The following SIAE variants were observed in gnomAD, a reference collection of about 807,000 sequenced individuals.
SIAE encodes sialate O-acetylesterase.
Under a neutral mutation model 52.6 loss-of-function variants are expected in SIAE, and 39 were observed. The ratio of observed to expected loss-of-function variants is 0.74; its 90% CI spans 0.57 to 0.97. SIAE has a LOEUF of 0.97. SIAE is among the 50% of genes least tolerant of loss of function. The probability of loss-of-function intolerance (pLI) is 0.00; values close to 1 mark genes in which losing one functional copy is unlikely to be tolerated. For synonymous variants in SIAE, 233 were observed against 241.4 expected (o/e 0.97, Z 0.32); for missense variants, 592 against 662.1 (o/e 0.89, Z 1.16).
At chr11:124,639,134 T>A (rs560260917) in intron 8 of SIAE, among the ~76,000 whole-genome samples, 1 of 152,220 alleles carries the variant, frequency 6.6e-6, no homozygotes, top group African/African-American at 2.4e-5. Flanking sequence ...TATTCATTTA[T>A]TCAATAAATC....
chr11:124,673,838 C>T (rs1435281475), upstream of SIAE: 11 of 920,024 alleles, frequency 1.2e-5, no homozygotes, highest in Non-Finnish European at 1.8e-5. Flanking sequence ...CAGGACTGGG[C>T]TGTACTCGCC....
intron 9 of SIAE, 101 bp from the exon 10 acceptor site, chr11:124,637,303 A>C (rs1463112308): frequency 3.9e-6 from 6 of 1,536,616 alleles, no homozygotes; most frequent in Non-Finnish European, 5.4e-6. Flanking sequence ...GAAAGGAGAC[A>C]CTCTTCACCA....
rs775273473 is a variant in SIAE at position 124,645,972 on chromosome 11, G to A, written c.966+1393C>T. ...GATGGTGAGAAGTCATCTGTGGGGC[G>A]TGCGGAGGTGGTGTCTGGGACCATG... On this transcript the variant is annotated intron_variant, in intron 7 of 9. Coordinates refer to ENST00000263593, the MANE Select transcript of SIAE (RefSeq NM_170601.5). The surrounding 1 kb of genome is among the most constrained non-coding windows in gnomAD (Gnocchi z 4.7). 1.6e-4 allele frequency among the ~76,000 whole-genome samples: 25 copies of A among 152,178 alleles called. No homozygotes were observed. The highest frequency in any genetic ancestry group is 1.0e-4 in the Non-Finnish European group (7 of 68,014).
intron 3 of SIAE, 69 bp from the exon 4 acceptor site, chr11:124,654,862 A>ATCAG: frequency 6.3e-7 from 1 of 1,582,240 alleles, no homozygotes. Context: ...CTTAGTAAAC[A>ATCAG]TCAGTCCTCT....
rs1350033478 is a variant in SIAE, at chr11:124,647,487, T to C, written c.844A>G (p.Ile282Val). The C allele has an allele frequency of 1.9e-6, 3 of 1,614,040 alleles. No individual in the cohort carries two copies. The African/African-American group carries it at 4.0e-5, about 22-fold the overall frequency. Residue 282 changes from isoleucine (I) to valine (V), a missense_variant, in exon 7 of 10, where the codon ATA becomes GTA. Transcript: ENST00000263593. Reference protein sequence around the residue: ...GVVWYQGESNINYNTDLYNCT... With the variant: ...GVVWYQGESNVNYNTDLYNCT... The stretch of plus-strand genomic sequence containing the variant: ...TTGTACAGATCCGTGTTATAATTTA[T>C]ATTGGACTCCCCTAAAAACAGTCCA...
In SIAE at chr11:124,636,851, TATTA is replaced by T; in HGVS notation, c.*96_*99del. On this transcript the variant is annotated 3_prime_UTR_variant, in exon 10 of 10. Transcript: ENST00000263593. ...CTGAAAGCCATTCAATGAGGCTTTC[TATTA>T]ATTTCCTTTAAAAGCAATGGTTATT... 1 of 1,545,136 alleles carries T rather than the reference TATTA, an allele frequency of 6.5e-7. No individual in the cohort carries two copies. Among genetic ancestry groups the T allele is most frequent in the South Asian group, 1.1e-5 (1 of 88,852 alleles).
At chr11:124,653,443 G>T (rs1240312448) in intron 4 of SIAE, among the ~76,000 whole-genome samples, 1 of 152,162 alleles carries the variant, frequency 6.6e-6, no homozygotes, top group Non-Finnish European at 1.5e-5. Context: ...CAAAGAAAAA[G>T]GGACAGAGAA....
Position 124,638,554 on chromosome 11 carries a change from G to C in SIAE, c.1308C>G (p.Asn436Lys), listed in dbSNP as rs758100977. Residue 436 changes from asparagine (N) to lysine (K), a missense_variant, in exon 9 of 10, where the codon AAC (asparagine) becomes AAG (lysine). By Grantham distance (94) the Asn-to-Lys change is moderately conservative. Transcript: ENST00000263593. ...CTGTTCTTCTCACCTCAAATATCTT[G>C]TTGTCCTTTTTCTGCACCTGGATTT... is the stretch of plus-strand genomic sequence containing the variant. ...YQQIQVQKKD[N>K]KIFEISCCSD... 4 of 1,614,022 alleles carry C rather than the reference G, an allele frequency of 2.5e-6. No homozygotes were observed. The highest frequency in any genetic ancestry group is 1.3e-5 in the African/African-American group (1 of 75,014).
At chr11:124,664,882 C>A (rs1943252116) in intron 2 of SIAE, among the ~76,000 whole-genome samples, 2 of 143,302 alleles carry the variant, frequency 1.4e-5, no homozygotes, top group Admixed American at 7.0e-5. Flanking sequence ...CACTTCCCCC[C>A]CACCCCCACC....
chr11:124,654,541 TA>T (rs1300902631), intron 4 of SIAE, 113 bp downstream of exon 4: 1 of 1,603,368 alleles, frequency 6.2e-7, no homozygotes, highest in African/African-American at 1.3e-5. Context: ...AAGAAAGGAA[TA>T]AAAGGCATGA....
At chr11:124,675,421 A>G (rs777747204), upstream of SIAE, 4 of 1,600,792 alleles carry the variant, frequency 2.5e-6, no homozygotes, top group Non-Finnish European at 3.4e-6. Flanking sequence ...AAGAGAGAGT[A>G]AGCTTTCTAA....
At chr11:124,675,389 A>G (rs1204828401), upstream of SIAE, 18 of 1,613,872 alleles carry the variant, frequency 1.1e-5, no homozygotes, top group Non-Finnish European at 1.5e-5. Context: ...GCAGCAGCCT[A>G]TTTTGAGAGC....
intron 2 of SIAE, among the ~76,000 whole-genome samples, chr11:124,662,979 T>C (rs1342111638): frequency 6.6e-6 from 1 of 151,918 alleles, no homozygotes; most frequent in Non-Finnish European, 1.5e-5. Flanking sequence ...ACCCTGTCTC[T>C]ACTAAAAATA....
chr11:124,654,836 A>G (rs1943073067), intron 3 of SIAE, 43 bp from the exon 4 acceptor site: 1 of 1,611,162 alleles, frequency 6.2e-7, no homozygotes, highest in Admixed American at 1.7e-5. Context: ...GCAGGTGGTG[A>G]ACTAGCCTGA....
rs771162942 is a variant in SIAE, at chr11:124,649,652, C to A, written c.689G>T (p.Arg230Leu). 1.9e-6 allele frequency: 3 copies of A among 1,614,160 alleles called. No homozygotes were observed. Among genetic ancestry groups the A allele is most frequent in the Non-Finnish European group, 2.5e-6 (3 of 1,180,026 alleles). The change falls in exon 5 of 10, where the codon CGG (arginine) becomes CTG (leucine). Residue 230 changes from arginine to leucine, a missense_variant. Coordinates refer to ENST00000263593, the MANE Select transcript of SIAE (RefSeq NM_170601.5). ...GTPIEAWSSGRSLKACGVPKQ... is the reference protein window; with the variant it reads ...GTPIEAWSSGLSLKACGVPKQ... ...AGGGACCCCACAGGCTTTCAGTGAC[C>A]GTCCAGATGACCAGGCTTCAATGGG...
At chr11:124,666,301 T>G (rs1007775205) in intron 2 of SIAE, among the ~76,000 whole-genome samples, 1 of 151,692 alleles carries the variant, frequency 6.6e-6, no homozygotes, top group Non-Finnish European at 1.5e-5. Context: ...AATCTCAGAG[T>G]CCTCATTAAA....
At chr11:124,647,591 T>A in intron 6 of SIAE, 93 bp from the exon 7 acceptor site, 9 of 1,477,670 alleles carry the variant, frequency 6.1e-6, no homozygotes, top group Non-Finnish European at 8.4e-6. Context: ...CCTGAGGTAG[T>A]GGTCTTCCCA....
chr11:124,634,129 G>A lies in SIAE; in HGVS notation c.*2822C>T, dbSNP rs1942668874. 1 of 152,142 alleles carries A rather than the reference G, an allele frequency of 6.6e-6. No individual in the cohort carries two copies. Among genetic ancestry groups the A allele is most frequent in the South Asian group, 2.1e-4 (1 of 4,816 alleles). 9.4% of individuals were successfully genotyped at this position (152,142 alleles called of 1,614,324 possible). On this transcript the variant is annotated 3_prime_UTR_variant, in exon 10 of 10. Transcript: ENST00000263593. ...GGAGGCTGAGGCGGGTGGATCAAGA[G>A]GTCAGGAGATCGAGACCATCCTGGC...
chr11:124,656,148 A>T (rs766639643), intron 3 of SIAE, among the ~76,000 whole-genome samples: 20 of 152,262 alleles, frequency 1.3e-4, no homozygotes, highest in Admixed American at 3.9e-4. Flanking sequence ...ATCCAAAAAA[A>T]AATCCAAAAT....
Sources: gnomAD v4.1 joint callset for allele counts (sites outside exome capture counted in the v4.1 genomes callset) on GRCh38, gnomAD v4.1.1 for gene constraint, Gnocchi (gnomAD v3.1) non-coding constraint, MANE v1.5 for transcripts, NCBI Gene and HGNC (gene_info 2026-07-23, HGNC 2026-07-21) for gene names.